PTPRQ: variants seen among roughly 807,000 people sequenced by gnomAD.
PTPRQ encodes protein tyrosine phosphatase receptor type Q.
Under a neutral mutation model 246.0 loss-of-function variants are expected in PTPRQ, and 199 were observed. That is an observed-to-expected ratio of 0.81 (90% CI 0.72 to 0.91). PTPRQ has a LOEUF of 0.91. Ranked by LOEUF, PTPRQ falls within the 40% of genes least tolerant of loss-of-function variation. PTPRQ has a pLI of 0.00. For synonymous variants in PTPRQ, 869 were observed against 853.2 expected (o/e 1.02, Z -0.32); for missense variants, 2,624 against 2,528.4 (o/e 1.04, Z -0.81).
At chr12:80,532,804 A>C (rs1190761751) in intron 17 of PTPRQ, among the ~76,000 whole-genome samples, 1 of 152,186 alleles carries the variant, frequency 6.6e-6, no homozygotes, top group African/African-American at 2.4e-5. Context: ...ACATACTCCG[A>C]ATCCATATTT....
chr12:80,480,547 G>A (rs4625539), intron 8 of PTPRQ, among the ~76,000 whole-genome samples: 126,242 of 141,594 alleles, frequency 0.89, 56,880 homozygotes, highest in Non-Finnish European at 0.93. Context: ...AGGAAACAGA[G>A]ACACAAAAAA....
rs1459003974 is a variant in PTPRQ, at chr12:80,524,701, A to G, written c.2679-9314A>G. Among the ~76,000 whole-genome samples the G allele has an allele frequency of 2.6e-5, 4 of 152,200 alleles. No individual in the cohort carries two copies. In the East Asian group the frequency reaches 5.8e-4, roughly 22 times the overall value. ...TACCATTTTGAGACAAATGTTTCTT[A>G]CATATTTTTTTCTTTTTTCAAAAAT... On this transcript the variant is annotated intron_variant, in intron 17 of 44. Coordinates refer to ENST00000644991, the MANE Select transcript of PTPRQ (RefSeq NM_001145026.2).
At position 80,610,606 on chromosome 12, in the gene PTPRQ, T is replaced by A. The variant is rs1043763320; in HGVS notation, c.4899T>A (p.Ile1633=). The change falls in exon 28 of 45, where the codon ATT becomes ATA. Residue 1633 remains isoleucine, a synonymous_variant. Coordinates refer to ENST00000644991, the MANE Select transcript of PTPRQ (RefSeq NM_001145026.2). ...YVEGKSSAEM[I]VTTLESAPKD... The stretch of plus-strand genomic sequence containing the variant: ...AAGGGAAGTCAAGTGCTGAAATGAT[T>A]GTTACTACTTTAGAATCAGGTAAGG... The A allele has an allele frequency of 8.4e-6, 13 of 1,542,616 alleles. No individual in the cohort carries two copies. Among genetic ancestry groups the A allele is most frequent in the Non-Finnish European group, 1.1e-5 (13 of 1,140,864 alleles).
At chr12:80,543,259 A>G (rs1223685769) in intron 23 of PTPRQ, among the ~76,000 whole-genome samples, 1 of 152,114 alleles carries the variant, frequency 6.6e-6, no homozygotes, top group South Asian at 2.1e-4. Flanking sequence ...AAAGGTATTC[A>G]TCTTTATTCT....
rs1900694851 is a variant in PTPRQ, at chr12:80,663,497, G to T, written c.6192+5436G>T. 2.0e-5 allele frequency among the ~76,000 whole-genome samples: 3 copies of T among 151,704 alleles called. 1 individual carries two copies. The highest frequency in any genetic ancestry group is 3.9e-4 in the East Asian group (2 of 5,140). On this transcript the variant is annotated intron_variant, in intron 39 of 44. Coordinates refer to ENST00000644991, the MANE Select transcript of PTPRQ (RefSeq NM_001145026.2). ...TTCTCTATCCCTCTGCCCTAAAATT[G>T]CCAGCTTGAATTCATGCTATCAAGC...
intron 23 of PTPRQ, among the ~76,000 whole-genome samples, chr12:80,544,255 T>C (rs1242560960): frequency 6.6e-6 from 1 of 152,106 alleles, no homozygotes; most frequent in Non-Finnish European, 1.5e-5. Flanking sequence ...AAAGTCTCCA[T>C]AGAGCATTTT....
intron 43 of PTPRQ, among the ~76,000 whole-genome samples, chr12:80,675,154 G>A (rs904498519): frequency 6.6e-6 from 1 of 152,130 alleles, no homozygotes; most frequent in Admixed American, 6.5e-5. Flanking sequence ...ACCAGGGCCA[G>A]CTTCATGGGT....
Position 80,620,349 on chromosome 12 carries a change from G to A in PTPRQ, c.5585G>A (p.Gly1862Glu). The A allele has an allele frequency of 6.5e-7, 1 of 1,548,938 alleles. No homozygotes were observed. Among genetic ancestry groups the A allele is most frequent in the Non-Finnish European group, 8.7e-7 (1 of 1,145,278 alleles). The change falls in exon 32 of 45, where the codon GGA becomes GAA. Residue 1862 changes from glycine to glutamate, a missense_variant. Coordinates refer to ENST00000644991, the MANE Select transcript of PTPRQ (RefSeq NM_001145026.2). ...GGCAATGAAGACAAAATTTGCAATGGACCACTGAAACCAAAAAAGCAATAC... is the reference window on the plus strand; with the variant it reads ...GGCAATGAAGACAAAATTTGCAATGAACCACTGAAACCAAAAAAGCAATAC... The part of the protein sequence containing the change: ...IPGNEDKICN[G>E]PLKPKKQYLF...
intron 26 of PTPRQ, among the ~76,000 whole-genome samples, chr12:80,599,494 C>T (rs552217934): frequency 3.3e-5 from 5 of 151,998 alleles, no homozygotes; most frequent in African/African-American, 1.2e-4. Context: ...ATTTTCAACT[C>T]CTCATACTTT....
intron 35 of PTPRQ, among the ~76,000 whole-genome samples, chr12:80,637,471 G>A (rs978072026): frequency 2.0e-5 from 3 of 152,016 alleles, no homozygotes; most frequent in Non-Finnish European, 2.9e-5. Context: ...CATGATAATA[G>A]CAAAATTGGA....
chr12:80,658,608 A>AG (rs1167125371), intron 39 of PTPRQ, among the ~76,000 whole-genome samples: 2 of 152,056 alleles, frequency 1.3e-5, no homozygotes, highest in Non-Finnish European at 2.9e-5. Flanking sequence ...ACTCTAAAAA[A>AG]TTCCTGTCAG....
In PTPRQ at chr12:80,539,911, A is replaced by C. The variant is rs1896101020; in HGVS notation, c.3121A>C (p.Ser1041Arg). 1 of 1,548,762 alleles carries C rather than the reference A, an allele frequency of 6.5e-7. No homozygotes were observed. The highest frequency in any genetic ancestry group is 1.2e-5 in the South Asian group (1 of 83,728). ...STSVGNGNKSSDIIEVYTDQD... is the reference protein window; with the variant it reads ...STSVGNGNKSRDIIEVYTDQD... Reference sequence around the variant, plus strand: ...TTCAGTTGGAAATGGGAATAAAAGCAGTGACATCATTGAAGTATACACAGA... The same window carrying C: ...TTCAGTTGGAAATGGGAATAAAAGCCGTGACATCATTGAAGTATACACAGA... Residue 1041 changes from serine to arginine, a missense_variant, in exon 20 of 45, where the codon AGT becomes CGT. Ser to Arg is a moderately radical substitution (Grantham distance 110). Transcript: ENST00000644991.
rs1245259408 is a variant in PTPRQ at position 80,460,830 on chromosome 12, C to A, written c.838C>A (p.Leu280Ile). 5.0e-6 allele frequency: 2 copies of A among 400,534 alleles called. No individual in the cohort carries two copies. Among genetic ancestry groups the A allele is most frequent in the African/African-American group, 4.1e-5 (2 of 48,678 alleles). 24.8% of individuals were successfully genotyped at this position (400,534 alleles called of 1,614,324 possible). ...ACACTTGAGACCTTATACAACATATCTTTTTGAAGTTTCAGCTGCTACAAC... is the reference window on the plus strand; with the variant it reads ...ACACTTGAGACCTTATACAACATATATTTTTGAAGTTTCAGCTGCTACAAC... ...VTHLRPYTTY[L>I]FEVSAATTEA... The change falls in exon 6 of 45, where the codon CTT (leucine) becomes ATT (isoleucine). Residue 280 changes from leucine (L) to isoleucine (I), a missense_variant. Transcript: ENST00000644991.
At chr12:80,481,654 T>G (rs889753011) in intron 8 of PTPRQ, among the ~76,000 whole-genome samples, 3 of 152,024 alleles carry the variant, frequency 2.0e-5, no homozygotes, top group South Asian at 2.1e-4. Flanking sequence ...ATCTCCTTAA[T>G]CTGATAAGCA....
intron 20 of PTPRQ, among the ~76,000 whole-genome samples, chr12:80,541,283 A>G (rs892992022): frequency 3.3e-5 from 5 of 152,066 alleles, no homozygotes; most frequent in Non-Finnish European, 7.4e-5. Context: ...ACACACACAC[A>G]ATCTCCACAT....
At chr12:80,456,011 A>T (rs1892970299) in intron 3 of PTPRQ, among the ~76,000 whole-genome samples, 1 of 152,172 alleles carries the variant, frequency 6.6e-6, no homozygotes, top group South Asian at 2.1e-4. Context: ...GCTTCCAGTT[A>T]AGGGATAAGT....
intron 28 of PTPRQ, among the ~76,000 whole-genome samples, chr12:80,611,645 G>A (rs953460421): frequency 1.3e-5 from 2 of 150,156 alleles, no homozygotes; most frequent in Non-Finnish European, 3.0e-5. Flanking sequence ...TGTGCTATCT[G>A]TTTCAAGGAT....
intron 35 of PTPRQ, among the ~76,000 whole-genome samples, chr12:80,643,667 T>C (rs1899972168): frequency 1.3e-5 from 2 of 152,032 alleles, no homozygotes; most frequent in South Asian, 4.2e-4. Flanking sequence ...AGAAAACTAA[T>C]AGGAAATAAC....
chr12:80,450,480 T>A (rs1473784959), intron 3 of PTPRQ, among the ~76,000 whole-genome samples: 4 of 152,132 alleles, frequency 2.6e-5, no homozygotes, highest in Admixed American at 2.6e-4. Context: ...ATGCTTCTGG[T>A]TTTTGCCCAT....
Sources: gnomAD v4.1 joint callset for allele counts (sites outside exome capture counted in the v4.1 genomes callset) on GRCh38, gnomAD v4.1.1 for gene constraint, MANE v1.5 for transcripts, NCBI Gene and HGNC (gene_info 2026-07-23, HGNC 2026-07-21) for gene names.